C4orf50: variants seen among roughly 807,000 people sequenced by gnomAD.
C4orf50 encodes the protein chromosome 4 open reading frame 50, also known as uncharacterized protein C4orf50.
In C4orf50, 80 loss-of-function variants were observed where a neutral mutation model predicts 77.2. That is an observed-to-expected ratio of 1.04 (90% CI 0.87 to 1.25). The LOEUF (loss-of-function observed/expected upper bound fraction) is 1.25. C4orf50 is among the 50% of genes most tolerant of loss of function. The pLI is 0.00. For synonymous variants in C4orf50, 532 were observed against 465.3 expected (o/e 1.14, Z -1.84); for missense variants, 1,257 against 1,152.9 (o/e 1.09, Z -1.31).
rs1321236232 is a variant in C4orf50, at chr4:5,948,212, A to C, written c.*2474+8689T>G. 3.9e-5 allele frequency among the ~76,000 whole-genome samples: 6 copies of C among 152,316 alleles called. No homozygotes were observed. In the East Asian group the frequency reaches 1.2e-3, roughly 29 times the overall value. The stretch of plus-strand genomic sequence containing the variant: ...ATAAGCTTTGCAGGTGCGAAAATTC[A>C]ATTAACTGAGGAACTGAAGAGGGGG... On this transcript the variant is annotated intron_variant, in intron 7 of 7. Coordinates refer to the C4orf50 transcript ENST00000324058.
chr4:6,008,505 G>A lies in C4orf50; in HGVS notation c.454C>T (p.Gln152Ter). The change falls in exon 25 of 34, where the codon CAG (glutamine) becomes TAG (stop). Residue 152 changes from glutamine (Q) to a stop codon, truncating the protein, a stop_gained. Coordinates refer to ENST00000531445, the Ensembl canonical transcript of C4orf50. LOFTEE classifies it high-confidence loss of function. This position sits in a 1 kb window ranked among gnomAD's most constrained non-coding sequence, Gnocchi z 6.0. ...TGCAACCGCCGCAGCCGCCACTGCT[G>A]CCGCCTGGCCACGCTCTCCTCCCGG... 1 of 398,118 alleles carries A rather than the reference G, an allele frequency of 2.5e-6. No individual in the cohort carries two copies. The allele number at this position is 398,118 out of a possible 1,614,324, so 24.7% of individuals were successfully genotyped here.
chr4:5,912,961 G>A (rs2108731531), intron 7 of C4orf50, among the ~76,000 whole-genome samples: 1 of 152,326 alleles, frequency 6.6e-6, no homozygotes, highest in Non-Finnish European at 1.5e-5. Flanking sequence ...TAGATTGTCT[G>A]GCTTGCATAT....
exon 28 of C4orf50, chr4:5,989,673 A>G: frequency 2.6e-6 from 4 of 1,536,122 alleles, no homozygotes; most frequent in Non-Finnish European, 3.5e-6. Context: ...CTTTGCTCAC[A>G]GCCTGTGGAT....
intron 7 of C4orf50, among the ~76,000 whole-genome samples, chr4:5,933,656 C>T (rs1717865665): frequency 6.6e-6 from 1 of 152,200 alleles, no homozygotes; most frequent in Non-Finnish European, 1.5e-5. Context: ...TAGGGGCGTA[C>T]TCAGCAGGAG....
chr4:5,910,326 G>C (rs1027162576), intron 7 of C4orf50, among the ~76,000 whole-genome samples: 1 of 152,170 alleles, frequency 6.6e-6, no homozygotes, highest in Non-Finnish European at 1.5e-5. Flanking sequence ...TATTTCCTCA[G>C]GGGATAGTTA....
intron 25 of C4orf50, among the ~76,000 whole-genome samples, chr4:5,996,966 AGT>A (rs148110190): frequency 0.065 from 9,855 of 152,218 alleles, 344 homozygotes; most frequent in African/African-American, 0.076. Flanking sequence ...TCATCATTGG[AGT>A]GTGAGAGGGA....
chr4:6,009,383 C>T lies in C4orf50; in HGVS notation c.427-851G>A, dbSNP rs574326073. On this transcript the variant is annotated intron_variant, in intron 24 of 33. Transcript: ENST00000531445. This position sits in a 1 kb window ranked among gnomAD's most constrained non-coding sequence, Gnocchi z 5.6. The stretch of plus-strand genomic sequence containing the variant: ...CGCTGCTCTTCTGCCGGGGAGCTTC[C>T]GGAAAACAAAAACAAACAAACTAAG... Among the ~76,000 whole-genome samples, 26 of 152,272 alleles carry T rather than the reference C, an allele frequency of 1.7e-4. No homozygotes were observed. The highest frequency in any genetic ancestry group is 2.8e-4 in the Non-Finnish European group (19 of 68,032).
intron 7 of C4orf50, among the ~76,000 whole-genome samples, chr4:5,926,812 C>G (rs1022320581): frequency 6.6e-6 from 1 of 152,234 alleles, no homozygotes; most frequent in Non-Finnish European, 1.5e-5. Flanking sequence ...CCCACACAAA[C>G]AGGAAACCTG....
chr4:5,942,318 T>C (rs1718302086), intron 7 of C4orf50, among the ~76,000 whole-genome samples: 1 of 150,540 alleles, frequency 6.6e-6, no homozygotes, highest in Non-Finnish European at 1.5e-5. Context: ...GGCTTGGGGG[T>C]CATACAGGAC....
At chr4:5,942,963 T>G (rs1718325965) in intron 7 of C4orf50, among the ~76,000 whole-genome samples, 1 of 152,228 alleles carries the variant, frequency 6.6e-6, no homozygotes, top group Non-Finnish European at 1.5e-5. Flanking sequence ...ATTTTCCAAA[T>G]TCACTCAAAT....
At chr4:5,973,998 C>A (rs916293466) in intron 30 of C4orf50, among the ~76,000 whole-genome samples, 157 bp from the exon 9 acceptor site, 1 of 152,200 alleles carries the variant, frequency 6.6e-6, no homozygotes, top group Non-Finnish European at 1.5e-5. Context: ...AGCCTCCCTG[C>A]CCCCAGAAGC....
At chr4:5,944,479 G>A (rs1316672545) in intron 7 of C4orf50, among the ~76,000 whole-genome samples, 1 of 152,226 alleles carries the variant, frequency 6.6e-6, no homozygotes, top group Non-Finnish European at 1.5e-5. Context: ...AATAGAAGGA[G>A]TGAGCGAGGG....
chr4:5,995,472 GAAACAC>G (rs1721527740), intron 25 of C4orf50, among the ~76,000 whole-genome samples: 1 of 69,954 alleles, frequency 1.4e-5, no homozygotes, highest in Admixed American at 2.0e-4. Flanking sequence ...CTTGGGACTG[GAAACAC>G]ACACACACAC....
intron 7 of C4orf50, chr4:5,898,885 T>G (rs1716236710): frequency 6.6e-6 from 1 of 152,202 alleles, no homozygotes; most frequent in Non-Finnish European, 1.5e-5. Flanking sequence ...TATCAATTCT[T>G]CCATTAGTCT....
chr4:5,982,876 TGAA>T (rs1419115419), intron 28 of C4orf50, among the ~76,000 whole-genome samples: 1 of 151,524 alleles, frequency 6.6e-6, no homozygotes, highest in Admixed American at 6.6e-5. Flanking sequence ...ATGAAGAAGG[TGAA>T]GAATGAGGGC....
chr4:5,941,453 C>T (rs1250999280), intron 7 of C4orf50, among the ~76,000 whole-genome samples: 1 of 152,190 alleles, frequency 6.6e-6, no homozygotes, highest in Non-Finnish European at 1.5e-5. Context: ...ATCTCATCCC[C>T]CAACTTCCCA....
At position 5,973,547 on chromosome 4, in the gene C4orf50, G is replaced by A. The variant is rs183425177; in HGVS notation, c.4104+112C>T. The A allele has an allele frequency of 3.8e-4, 348 of 906,070 alleles. 1 individual carries two copies. The African/African-American group carries it at 4.2e-3, about 11-fold the overall frequency. The allele number at this position is 906,070 out of a possible 1,614,324, so 56.1% of individuals were successfully genotyped here. A position where few individuals can be genotyped will look rare whatever the true frequency, so the allele number is the denominator to read the frequency against. On this transcript the variant is annotated intron_variant, in intron 31 of 33. Coordinates refer to ENST00000531445, the Ensembl canonical transcript of C4orf50. ...GGGGGTGTCTTCTTGGGTAGTGTCC[G>A]CGGTGGGAGGGAGGGAGGAAAGGAG...
intron 33 of C4orf50, among the ~76,000 whole-genome samples, chr4:5,962,778 A>G (rs1281436643): frequency 6.6e-6 from 1 of 152,148 alleles, no homozygotes. Context: ...GTGGGACTGG[A>G]TGAGCCAATG....
At chr4:5,966,343 T>TG (rs1208928035) in intron 32 of C4orf50, among the ~76,000 whole-genome samples, 2 of 151,966 alleles carry the variant, frequency 1.3e-5, no homozygotes, top group Non-Finnish European at 2.9e-5. Context: ...GGCATGATAG[T>TG]GGGCGCCTGC....
Sources: allele counts gnomAD v4.1 joint callset (sites outside exome capture counted in the v4.1 genomes callset), GRCh38; gene constraint gnomAD v4.1.1; non-coding constraint Gnocchi (gnomAD v3.1); transcripts MANE v1.5; gene names NCBI Gene and HGNC (gene_info 2026-07-23, HGNC 2026-07-21).